NCAM1: variants seen among roughly 807,000 people sequenced by gnomAD.
NCAM1 encodes the protein neural cell adhesion molecule 1, also known as antigen recognized by monoclonal antibody 5.1H11.
In NCAM1, 14 loss-of-function variants were observed where a neutral mutation model predicts 109.8. That is an observed-to-expected ratio of 0.13 (90% CI 0.08 to 0.20). The LOEUF is 0.20. NCAM1 is among the 10% of genes least tolerant of loss of function. NCAM1 has a pLI of 1.00. For synonymous variants in NCAM1, 418 were observed against 442.9 expected, an observed-to-expected ratio of 0.94 and a Z score of 0.70; for missense variants, 774 against 1,109.9, an observed-to-expected ratio of 0.70 and a Z score of 4.30.
At chr11:113,084,581 C>T (rs1351604105) in intron 1 of NCAM1, among the ~76,000 whole-genome samples, 1 of 152,110 alleles carries the variant, frequency 6.6e-6, no homozygotes, top group African/African-American at 2.4e-5. Flanking sequence ...TGCATCTTAC[C>T]GTGGATGGGT....
intron 1 of NCAM1, among the ~76,000 whole-genome samples, chr11:112,998,565 A>G (rs1555071836): frequency 1.3e-5 from 2 of 151,944 alleles, no homozygotes; most frequent in East Asian, 1.9e-4. Context: ...CCCCACCCTC[A>G]CCTAGCCCCA....
chr11:113,213,711 T>C (rs1260252948), intron 7 of NCAM1, among the ~76,000 whole-genome samples: 1 of 152,234 alleles, frequency 6.6e-6, no homozygotes, highest in Admixed American at 6.5e-5. Flanking sequence ...AACAACCTTG[T>C]TCAGAATCCA....
At chr11:113,272,472 T>C (rs1433774818) in intron 19 of NCAM1, among the ~76,000 whole-genome samples, 1 of 152,148 alleles carries the variant, frequency 6.6e-6, no homozygotes, top group Non-Finnish European at 1.5e-5. Flanking sequence ...ATCTGCCTTA[T>C]TCGTGACTTT....
intron 1 of NCAM1, among the ~76,000 whole-genome samples, chr11:113,169,432 G>T (rs1271941056): frequency 6.6e-6 from 1 of 152,158 alleles, no homozygotes; most frequent in Non-Finnish European, 1.5e-5. Flanking sequence ...CCCTGTGGCA[G>T]CTCCTCAAAA....
At chr11:113,263,848 A>G (rs1389631560) in intron 17 of NCAM1, 2 of 985,504 alleles carry the variant, frequency 2.0e-6, no homozygotes, top group East Asian at 2.3e-4. Flanking sequence ...GTAGAGAAGG[A>G]GAGGGACAGG....
intron 1 of NCAM1, among the ~76,000 whole-genome samples, chr11:113,198,637 G>A (rs111904847): frequency 3.3e-5 from 5 of 152,128 alleles, no homozygotes; most frequent in African/African-American, 4.8e-5. Context: ...CACTGCGCCC[G>A]GCTGATGTTA....
intron 1 of NCAM1, among the ~76,000 whole-genome samples, chr11:113,111,762 CAT>C (rs145591048): frequency 0.086 from 13,026 of 152,092 alleles, 726 homozygotes; most frequent in East Asian, 0.12. Flanking sequence ...ATATGTATCA[CAT>C]ATATATATGT....
intron 9 of NCAM1, among the ~76,000 whole-genome samples, chr11:113,223,444 A>G (rs554493470): frequency 6.6e-6 from 1 of 152,168 alleles, no homozygotes; most frequent in East Asian, 1.9e-4. Flanking sequence ...GAAAGAAACT[A>G]GATAGGAATT....
intron 1 of NCAM1, among the ~76,000 whole-genome samples, chr11:113,135,508 C>G (rs1281854975): frequency 6.6e-6 from 1 of 152,128 alleles, no homozygotes; most frequent in Non-Finnish European, 1.5e-5. Flanking sequence ...TTAAAATACG[C>G]CAGCTGGGTG....
chr11:113,006,124 A>T (rs553650000), intron 1 of NCAM1, among the ~76,000 whole-genome samples: 44 of 152,058 alleles, frequency 2.9e-4, no homozygotes, highest in Non-Finnish European at 4.7e-4. Context: ...TTGATTTTGC[A>T]TGATTGGTTT....
intron 1 of NCAM1, among the ~76,000 whole-genome samples, chr11:113,082,637 C>A (rs1488369210): frequency 1.3e-5 from 2 of 152,204 alleles, no homozygotes; most frequent in Non-Finnish European, 1.5e-5. Context: ...TTCAATGAAA[C>A]CTTTTATAAA....
intron 1 of NCAM1, among the ~76,000 whole-genome samples, chr11:113,176,969 G>C (rs926397682): frequency 6.6e-6 from 1 of 152,056 alleles, no homozygotes; most frequent in African/African-American, 2.4e-5. Flanking sequence ...TGCTACACTG[G>C]GTTTACCAGG....
At chr11:113,197,605 G>A (rs1278485615) in intron 1 of NCAM1, among the ~76,000 whole-genome samples, 1 of 152,096 alleles carries the variant, frequency 6.6e-6, no homozygotes, top group African/African-American at 2.4e-5. Context: ...TGTCTACATT[G>A]GCCTTGGGCC....
chr11:113,196,521 G>T (rs548930377), intron 1 of NCAM1, among the ~76,000 whole-genome samples: 2 of 152,152 alleles, frequency 1.3e-5, no homozygotes, highest in African/African-American at 2.4e-5. Context: ...GTTACTAGAG[G>T]TTAATTAAGA....
chr11:113,265,996 C>T (rs1392388550), intron 17 of NCAM1, among the ~76,000 whole-genome samples: 6 of 152,196 alleles, frequency 3.9e-5, no homozygotes, highest in African/African-American at 1.4e-4. Context: ...TCATAATCTC[C>T]CTGTCCTGGG....
intron 1 of NCAM1, among the ~76,000 whole-genome samples, chr11:113,097,994 A>G (rs899624355): frequency 6.6e-6 from 1 of 152,202 alleles, no homozygotes; most frequent in Non-Finnish European, 1.5e-5. Flanking sequence ...CATAATTTAT[A>G]AACATATTTC....
intron 1 of NCAM1, among the ~76,000 whole-genome samples, chr11:113,179,188 A>G (rs536562403): frequency 6.6e-6 from 1 of 152,334 alleles, no homozygotes; most frequent in South Asian, 2.1e-4. Context: ...GGCAGGAGAG[A>G]GAGATGAAGA....
intron 1 of NCAM1, among the ~76,000 whole-genome samples, chr11:113,134,299 C>T (rs531498785): frequency 6.6e-5 from 10 of 152,180 alleles, no homozygotes; most frequent in Admixed American, 3.3e-4. Flanking sequence ...TCCATATTTT[C>T]GCATGTAACC....
intron 15 of NCAM1, among the ~76,000 whole-genome samples, chr11:113,254,195 A>G (rs1555121888): frequency 6.6e-6 from 1 of 152,222 alleles, no homozygotes; most frequent in Non-Finnish European, 1.5e-5. Context: ...TGTCTAAACC[A>G]AATTTCTACC....
Sources: allele counts gnomAD v4.1 joint callset (sites outside exome capture counted in the v4.1 genomes callset), GRCh38; gene constraint gnomAD v4.1.1; transcripts MANE v1.5; gene names NCBI Gene and HGNC (gene_info 2026-07-23, HGNC 2026-07-21).